Variants in CFAP69 observed in about 807,000 individuals in gnomAD.
CFAP69 encodes cilia- and flagella-associated protein 69.
CFAP69 carries 92 observed loss-of-function variants against 123.0 expected under a neutral mutation model. The ratio of observed to expected loss-of-function variants is 0.75; its 90% CI spans 0.63 to 0.89. CFAP69 has a LOEUF of 0.89. Among genes scored for constraint, CFAP69 ranks in the 40% least tolerant of loss-of-function variants. The pLI is 0.00. For missense variants in CFAP69, 1,067 were observed against 1,096.9 expected, an observed-to-expected ratio of 0.97 and a Z score of 0.39; for synonymous variants, 380 against 364.3, an observed-to-expected ratio of 1.04 and a Z score of -0.49.
the CFAP69 span, chr7:90,316,502 C>T: frequency 5.9e-5 from 9 of 152,180 alleles, no homozygotes; most frequent in Admixed American, 1.3e-4. Flanking sequence ...CAGTCTATCC[C>T]TGCATTGTCC....
intron 19 of CFAP69, 29 bp downstream of exon 19, chr7:90,304,849 T>A: frequency 7.6e-7 from 1 of 1,314,246 alleles, no homozygotes; most frequent in Non-Finnish European, 1.1e-6. Context: ...ACCTGATTAT[T>A]AAAATCTAGA....
rs1797873822 is a variant in CFAP69 at position 90,258,157 on chromosome 7, T to C, written c.240T>C (p.Asn80=). Residue 80 remains asparagine, a synonymous_variant, in exon 3 of 23, where the codon AAT becomes AAC. Transcript: ENST00000389297. ...FVKKLVQCYQ[N]GLPLRDLAQI... ...AGAAACTGGTACAGTGTTATCAGAA[T>C]GGACTTGTATCCTTTACATATATAT... 6.3e-7 allele frequency: 1 copy of C among 1,595,928 alleles called. No homozygotes were observed. Among genetic ancestry groups the C allele is most frequent in the African/African-American group, 1.3e-5 (1 of 74,518 alleles).
chr7:90,314,250 A>G (rs995169909), downstream of CFAP69, among the ~76,000 whole-genome samples: 2 of 152,200 alleles, frequency 1.3e-5, no homozygotes, highest in Non-Finnish European at 2.9e-5. Flanking sequence ...AAATCTGAAT[A>G]AAATAGGAAG....
chr7:90,313,578 A>T (rs530157958), downstream of CFAP69, among the ~76,000 whole-genome samples: 19 of 152,328 alleles, frequency 1.2e-4, no homozygotes, highest in Admixed American at 1.2e-3. Flanking sequence ...AGTCTGGAGC[A>T]TCTTACTGAG....
chr7:90,277,844 G>A (rs1788834269), intron 11 of CFAP69, among the ~76,000 whole-genome samples: 1 of 151,940 alleles, frequency 6.6e-6, no homozygotes, highest in Admixed American at 6.6e-5. Flanking sequence ...GAAAAATATT[G>A]GAACTGAATT....
In CFAP69 at chr7:90,252,388, C is replaced by T. The variant is rs1797136843; in HGVS notation, c.121-3035C>T. On this transcript the variant is annotated intron_variant, in intron 1 of 22. Transcript: ENST00000389297. ...AAATTATTTTAAAAAGTAAAAATGG[C>T]TGGGCATGTTGGCTCATGCCTGTAA... Among the ~76,000 whole-genome samples, 6 of 152,042 alleles carry T rather than the reference C, an allele frequency of 3.9e-5. No individual in the cohort carries two copies. In the South Asian group the frequency reaches 1.0e-3, roughly 26 times the overall value.
In CFAP69 at chr7:90,245,419, C is replaced by A. The variant is rs550087437; in HGVS notation, c.-6C>A. The A allele has an allele frequency of 1.9e-6, 3 of 1,542,928 alleles. No homozygotes were observed. In the Admixed American group the frequency reaches 6.1e-5, roughly 31 times the overall value. On this transcript the variant is annotated 5_prime_UTR_variant, in exon 1 of 23. Transcript: ENST00000389297. ...CCCCCCACTCTCCACCCCGCCGCCA[C>A]CGGCCATGTGGACAGAGGAAGCCGG...
chr7:90,315,243 C>A (rs1258099453), downstream of CFAP69, among the ~76,000 whole-genome samples: 1 of 152,126 alleles, frequency 6.6e-6, no homozygotes, highest in African/African-American at 2.4e-5. Flanking sequence ...ACCCAGCCAT[C>A]CCATGACTGA....
chr7:90,307,093 G>A lies in CFAP69; in HGVS notation c.2458G>A (p.Ala820Thr). The A allele has an allele frequency of 6.2e-7, 1 of 1,609,418 alleles. No homozygotes were observed. The highest frequency in any genetic ancestry group is 8.5e-7 in the Non-Finnish European group (1 of 1,178,468). Residue 820 changes from alanine to threonine, a missense_variant, in exon 20 of 23, where the codon GCA becomes ACA. Physicochemically the swap from Ala to Thr is moderately conservative, Grantham distance 58 (BLOSUM62 0). Coordinates refer to ENST00000389297, the MANE Select transcript of CFAP69 (RefSeq NM_001039706.3). ...QDMQNEQKVY[A>T]KIQATHKQRE... Reference sequence around the variant, plus strand: ...CATGCAAAATGAACAAAAAGTATATGCAAAAGTAAGCTACATAGGTAGTGA... The same window carrying A: ...CATGCAAAATGAACAAAAAGTATATACAAAAGTAAGCTACATAGGTAGTGA...
intron 1 of CFAP69, among the ~76,000 whole-genome samples, chr7:90,246,489 AGTTG>A (rs1417900678): frequency 6.6e-6 from 1 of 152,230 alleles, no homozygotes; most frequent in African/African-American, 2.4e-5. Context: ...GGGAGTGGTC[AGTTG>A]ACTGGGGAAT....
At chr7:90,247,363 A>G (rs1197853632) in intron 1 of CFAP69, among the ~76,000 whole-genome samples, 1 of 152,214 alleles carries the variant, frequency 6.6e-6, no homozygotes, top group Non-Finnish European at 1.5e-5. Flanking sequence ...GCACATTTGC[A>G]AACTTCTCTT....
chr7:90,262,310 C>T (rs1056348936), intron 4 of CFAP69, among the ~76,000 whole-genome samples: 3 of 152,020 alleles, frequency 2.0e-5, no homozygotes, highest in African/African-American at 7.2e-5. Flanking sequence ...GAAGTAAATG[C>T]TAAATATTAG....
chr7:90,262,261 C>T (rs907259022), intron 4 of CFAP69, among the ~76,000 whole-genome samples: 2 of 152,080 alleles, frequency 1.3e-5, no homozygotes, highest in Non-Finnish European at 2.9e-5. Context: ...AGATTAAATT[C>T]TAAGTATATT....
At chr7:90,314,623 A>G (rs557758099), downstream of CFAP69, among the ~76,000 whole-genome samples, 2 of 152,222 alleles carry the variant, frequency 1.3e-5, no homozygotes, top group South Asian at 4.1e-4. Context: ...AAAAAAAGAA[A>G]AAGAAAAAAA....
intron 1 of CFAP69, 25 bp from the exon 2 acceptor site, chr7:90,255,398 A>G: frequency 1.9e-6 from 3 of 1,585,982 alleles, no homozygotes; most frequent in Non-Finnish European, 2.6e-6. Flanking sequence ...ATGATCTAGA[A>G]TAGTAAGAGT....
At chr7:90,316,275 T>G in the CFAP69 span, among the ~76,000 whole-genome samples, 2 of 152,162 alleles carry the variant, frequency 1.3e-5, no homozygotes, top group East Asian at 3.8e-4. Context: ...CTAAGCCAAA[T>G]GAGCTCAGCA....
At chr7:90,289,803 T>C (rs1397311502) in intron 15 of CFAP69, among the ~76,000 whole-genome samples, 1 of 152,246 alleles carries the variant, frequency 6.6e-6, no homozygotes, top group Non-Finnish European at 1.5e-5. Context: ...GTATGTATGG[T>C]GTAAGGTGAG....
intron 1 of CFAP69, chr7:90,251,831 A>G (rs1797046186): frequency 6.6e-6 from 1 of 152,220 alleles, no homozygotes; most frequent in South Asian, 2.1e-4. Flanking sequence ...TTTAATCTTT[A>G]CTACTCTCTG....
At chr7:90,286,737 G>A (rs550010912) in intron 14 of CFAP69, among the ~76,000 whole-genome samples, 9 of 152,010 alleles carry the variant, frequency 5.9e-5, no homozygotes, top group African/African-American at 1.4e-4. Context: ...CAATGGAATC[G>A]CACAATATTT....
Sources: gnomAD v4.1 joint callset for allele counts (sites outside exome capture counted in the v4.1 genomes callset) on GRCh38, gnomAD v4.1.1 for gene constraint, MANE v1.5 for transcripts, NCBI Gene and HGNC (gene_info 2026-07-23, HGNC 2026-07-21) for gene names.